DMD: variants seen among roughly 807,000 people sequenced by gnomAD.
DMD encodes mutant dystrophin.
Under a neutral mutation model 330.1 loss-of-function variants are expected in DMD, and 63 were observed. The observed-to-expected ratio is 0.19, with a 90% CI of 0.16 to 0.24. The LOEUF (loss-of-function observed/expected upper bound fraction) is 0.24. DMD is among the 10% of genes least tolerant of loss of function. DMD has a pLI of 1.00. For missense variants in DMD, 3,344 were observed against 2,684.1 expected (o/e 1.25, Z -5.43); for synonymous variants, 1,223 against 959.8 (o/e 1.27, Z -5.07).
chrX:32,207,599 C>T (rs1323598347), intron 44 of DMD, among the ~76,000 whole-genome samples: 6 of 111,931 alleles, frequency 5.4e-5, no homozygotes, highest in Non-Finnish European at 1.1e-4. Context: ...ACAGTTCAGC[C>T]ACTCTTCAAT....
rs766302303 is a variant in DMD, at chrX:33,079,214, G to A, written c.32-59014C>T. 5.4e-5 allele frequency among the ~76,000 whole-genome samples: 6 copies of A among 111,469 alleles called. No individual in the cohort carries two copies. The East Asian group carries it at 1.7e-3, about 32-fold the overall frequency. Reference sequence around the variant, plus strand: ...TTTAGTAGAGATGGGGTTTCTCCATGTTGGTCAGGCTGGTCTTGAACTCCC... The same window carrying A: ...TTTAGTAGAGATGGGGTTTCTCCATATTGGTCAGGCTGGTCTTGAACTCCC... On this transcript the variant is annotated intron_variant, in intron 1 of 78. Transcript: ENST00000357033.
intron 60 of DMD, among the ~76,000 whole-genome samples, chrX:31,378,213 G>C (rs920300472): frequency 1.8e-5 from 2 of 111,530 alleles, no homozygotes; most frequent in Non-Finnish European, 3.8e-5. Context: ...TCCCTTGGGA[G>C]ATCTATCCCC....
chrX:31,847,232 C>T (rs2093442935), intron 48 of DMD, among the ~76,000 whole-genome samples: 1 of 111,208 alleles, frequency 9.0e-6, no homozygotes. Flanking sequence ...TTTTAAGTAC[C>T]CATATGAGAT....
chrX:31,690,681 C>A (rs187011563), intron 52 of DMD, among the ~76,000 whole-genome samples: 1 of 112,043 alleles, frequency 8.9e-6, no homozygotes, highest in East Asian at 2.8e-4. Context: ...ATGTTTATTG[C>A]TGCACTATTC....
chrX:32,705,703 T>A (rs754022480), intron 7 of DMD, among the ~76,000 whole-genome samples: 14 of 112,050 alleles, frequency 1.2e-4, no homozygotes, highest in African/African-American at 4.2e-4. Context: ...GTTTCCTGAC[T>A]TTTTAATGAT....
At chrX:32,941,761 C>T (rs2090436252) in intron 2 of DMD, among the ~76,000 whole-genome samples, 1 of 111,101 alleles carries the variant, frequency 9.0e-6, no homozygotes, top group African/African-American at 3.3e-5. Flanking sequence ...AATTCACTTG[C>T]ATGCTCCCTC....
chrX:32,171,900 C>T (rs2096889011), intron 44 of DMD, among the ~76,000 whole-genome samples: 2 of 110,963 alleles, frequency 1.8e-5, no homozygotes, highest in Non-Finnish European at 3.8e-5. Flanking sequence ...TGCTACTCTA[C>T]CAAAATTAAA....
intron 16 of DMD, among the ~76,000 whole-genome samples, chrX:32,551,670 A>C (rs1027313937): frequency 3.6e-5 from 4 of 111,586 alleles, no homozygotes; most frequent in African/African-American, 1.3e-4. Flanking sequence ...AGGCAATCCA[A>C]ATAGGAAGAG....
intron 7 of DMD, among the ~76,000 whole-genome samples, chrX:32,748,445 CA>C (rs2070368544): frequency 9.0e-6 from 1 of 110,843 alleles, no homozygotes; most frequent in South Asian, 3.8e-4. Flanking sequence ...AACTGAGGAG[CA>C]AAAAGTTTAA....
chrX:32,037,010 A>G (rs2095953599), intron 44 of DMD, among the ~76,000 whole-genome samples: 1 of 111,687 alleles, frequency 9.0e-6, no homozygotes, highest in Admixed American at 9.5e-5. Flanking sequence ...TGCTGCTAGA[A>G]GTCAATGTGC....
chrX:31,831,786 T>C (rs1482250851), intron 49 of DMD, among the ~76,000 whole-genome samples: 1 of 111,551 alleles, frequency 9.0e-6, no homozygotes, highest in African/African-American at 3.3e-5. Context: ...GTATTTTTAG[T>C]AGAGATGGGG....
intron 61 of DMD, among the ~76,000 whole-genome samples, chrX:31,338,932 C>A (rs1742066786): frequency 1.6e-5 from 1 of 61,673 alleles, no homozygotes; most frequent in Non-Finnish European, 2.8e-5. Flanking sequence ...TTCTGGGAAA[C>A]CATCTATGCA....
At chrX:31,831,675 T>C (rs1240602704) in intron 49 of DMD, among the ~76,000 whole-genome samples, 1 of 111,612 alleles carries the variant, frequency 9.0e-6, no homozygotes, top group Admixed American at 9.5e-5. Context: ...CTCAGCTCAC[T>C]GCAAGCTCTG....
intron 54 of DMD, among the ~76,000 whole-genome samples, chrX:31,642,368 C>T (rs978255985): frequency 1.8e-5 from 2 of 112,162 alleles, no homozygotes; most frequent in Non-Finnish European, 3.8e-5. Flanking sequence ...GTGACTACTA[C>T]ATACTTTAAA....
chrX:33,269,177 C>T (rs1038630152), intron 1 of DMD, among the ~76,000 whole-genome samples: 6 of 111,065 alleles, frequency 5.4e-5, no homozygotes, highest in African/African-American at 2.0e-4. Flanking sequence ...GCAAAAATAT[C>T]GAATCAACCT....
At chrX:32,154,359 AAAAT>A (rs1485041471) in intron 44 of DMD, among the ~76,000 whole-genome samples, 1 of 112,550 alleles carries the variant, frequency 8.9e-6, no homozygotes, top group Non-Finnish European at 1.9e-5. Flanking sequence ...ATATAAATAA[AAAAT>A]AAATCATTAT....
chrX:33,089,063 C>CTTTT (rs2036508038), intron 1 of DMD, among the ~76,000 whole-genome samples: 1 of 89,428 alleles, frequency 1.1e-5, no homozygotes, highest in African/African-American at 5.0e-5. Context: ...CTACTCAATT[C>CTTTT]ATTTTTTTTT....
chrX:32,443,100 C>A (rs1358747267), intron 27 of DMD, among the ~76,000 whole-genome samples: 1 of 110,458 alleles, frequency 9.1e-6, no homozygotes, highest in Non-Finnish European at 1.9e-5. Context: ...GTTGAATGAA[C>A]CTATAAGTAC....
Position 32,700,900 on chromosome X carries a change from A to G in DMD, c.650-1607T>C, listed in dbSNP as rs758701113. Among the ~76,000 whole-genome samples the G allele has an allele frequency of 1.2e-3, 136 of 112,058 alleles. 9 individuals are homozygous for G. Among genetic ancestry groups the G allele is most frequent in the Non-Finnish European group, 1.3e-4 (7 of 53,017 alleles). On this transcript the variant is annotated intron_variant, in intron 7 of 78. Coordinates refer to ENST00000357033, the MANE Select transcript of DMD (RefSeq NM_004006.3). ...GTCTCAAGTCCGTTAGCACAAAAGC[A>G]GGTTGAACAAGTGACTTCATCAATT...
Sources: allele counts gnomAD v4.1 joint callset (sites outside exome capture counted in the v4.1 genomes callset), GRCh38; gene constraint gnomAD v4.1.1; transcripts MANE v1.5; gene names NCBI Gene and HGNC (gene_info 2026-07-23, HGNC 2026-07-21).